Variants in KCNMA1 observed in about 807,000 individuals in gnomAD.
The protein encoded by KCNMA1 is Calcium-activated potassium channel subunit alpha-1.
KCNMA1 carries 29 observed loss-of-function variants against 140.0 expected under a neutral mutation model. The ratio of observed to expected loss-of-function variants is 0.21; its 90% CI spans 0.15 to 0.28. The LOEUF (loss-of-function observed/expected upper bound fraction) is 0.28, where lower values mean the gene tolerates loss of function less well. Ranked by LOEUF, KCNMA1 falls within the 10% of genes least tolerant of loss-of-function variation. The pLI is 1.00. For missense variants in KCNMA1, 880 were observed against 1,602.2 expected (o/e 0.55, Z 7.70); for synonymous variants, 612 against 611.9 (o/e 1.00, Z 0.00).
intron 1 of KCNMA1, among the ~76,000 whole-genome samples, chr10:77,615,132 G>A (rs966167546): frequency 2.0e-5 from 3 of 152,182 alleles, no homozygotes; most frequent in Admixed American, 1.3e-4. Context: ...GAGTAGCACA[G>A]GTTCCTAAAT....
chr10:77,611,516 C>A (rs1273912056), intron 1 of KCNMA1, among the ~76,000 whole-genome samples: 2 of 152,182 alleles, frequency 1.3e-5, no homozygotes, highest in Admixed American at 6.5e-5. Flanking sequence ...AATGTTAAGC[C>A]CATTGAAGTG....
At chr10:76,891,812 C>T in intron 25 of KCNMA1, 93 bp from the exon 26 acceptor site, 3 of 1,046,612 alleles carry the variant, frequency 2.9e-6, no homozygotes, top group East Asian at 4.8e-5. Context: ...TTCTTGGTAT[C>T]TCCTGTTTAA....
intron 1 of KCNMA1, among the ~76,000 whole-genome samples, chr10:77,602,115 C>T (rs2154566485): frequency 6.6e-6 from 1 of 152,320 alleles, no homozygotes; most frequent in African/African-American, 2.4e-5. Context: ...ACACAAAACT[C>T]ACCAATGCCT....
intron 23 of KCNMA1, among the ~76,000 whole-genome samples, chr10:76,915,512 G>A (rs544915785): frequency 3.3e-5 from 5 of 152,298 alleles, no homozygotes; most frequent in South Asian, 2.1e-4. Context: ...TTACTATGGA[G>A]ATGAAGGCTA....
At chr10:77,027,479 T>C (rs1364437530) in intron 16 of KCNMA1, among the ~76,000 whole-genome samples, 1 of 152,198 alleles carries the variant, frequency 6.6e-6, no homozygotes, top group Non-Finnish European at 1.5e-5. Context: ...CCTGCTTTTT[T>C]GCTCACAGCA....
chr10:76,972,529 G>A (rs1327767112), intron 19 of KCNMA1, among the ~76,000 whole-genome samples: 3 of 152,196 alleles, frequency 2.0e-5, no homozygotes, highest in Non-Finnish European at 4.4e-5. Flanking sequence ...TCAGATGGGA[G>A]AGTTGCAAGT....
intron 2 of KCNMA1, among the ~76,000 whole-genome samples, chr10:77,264,846 C>A (rs1260977414): frequency 1.3e-5 from 2 of 152,248 alleles, no homozygotes; most frequent in East Asian, 3.9e-4. Flanking sequence ...GAATAAATTT[C>A]TCTTAACCTC....
chr10:77,023,131 G>A (rs908230481), intron 16 of KCNMA1, among the ~76,000 whole-genome samples: 1 of 152,156 alleles, frequency 6.6e-6, no homozygotes, highest in African/African-American at 2.4e-5. Context: ...GGTATCTCTC[G>A]CTAAACACTG....
intron 2 of KCNMA1, among the ~76,000 whole-genome samples, chr10:77,345,059 T>C (rs2091880414): frequency 6.6e-6 from 1 of 152,254 alleles, no homozygotes; most frequent in African/African-American, 2.4e-5. Context: ...TATACAGATA[T>C]TGTAAAACAG....
chr10:77,245,173 A>G (rs888111457), intron 3 of KCNMA1, among the ~76,000 whole-genome samples: 6 of 152,216 alleles, frequency 3.9e-5, no homozygotes, highest in Non-Finnish European at 8.8e-5. Context: ...AAAAAAGGGC[A>G]TGAAGGCAGA....
intron 2 of KCNMA1, among the ~76,000 whole-genome samples, chr10:77,318,336 G>A (rs761382652): frequency 5.3e-5 from 8 of 152,158 alleles, no homozygotes; most frequent in South Asian, 2.1e-4. Context: ...GAGGTTAAAC[G>A]TGAGGCTCAA....
chr10:77,570,575 T>A (rs1232409542), intron 1 of KCNMA1, among the ~76,000 whole-genome samples: 2 of 59,316 alleles, frequency 3.4e-5, no homozygotes, highest in Non-Finnish European at 6.4e-5. Flanking sequence ...CATCACACTC[T>A]GGGGACTGTT....
intron 19 of KCNMA1, among the ~76,000 whole-genome samples, chr10:76,998,008 C>A (rs1160385671): frequency 6.6e-6 from 1 of 152,154 alleles, no homozygotes; most frequent in East Asian, 1.9e-4. Context: ...TGATTTTTGT[C>A]TTTCCTAAAC....
At chr10:77,626,969 C>T (rs2092608137) in intron 1 of KCNMA1, among the ~76,000 whole-genome samples, 1 of 152,190 alleles carries the variant, frequency 6.6e-6, no homozygotes, top group Non-Finnish European at 1.5e-5. Flanking sequence ...TGGTGTCAAC[C>T]TCTCCCTCTA....
At chr10:77,566,946 G>T (rs888030313) in intron 1 of KCNMA1, among the ~76,000 whole-genome samples, 2 of 152,020 alleles carry the variant, frequency 1.3e-5, no homozygotes, top group Admixed American at 1.3e-4. Flanking sequence ...AGGGAAGGAA[G>T]GAGGGAGAAA....
At chr10:77,270,265 T>C (rs922836000) in intron 2 of KCNMA1, among the ~76,000 whole-genome samples, 7 of 152,146 alleles carry the variant, frequency 4.6e-5, no homozygotes, top group Non-Finnish European at 7.4e-5. Context: ...AAATGGGGGT[T>C]GTGTTCATGT....
At chr10:76,883,593 A>G (rs1236187468), downstream of KCNMA1, among the ~76,000 whole-genome samples, 1 of 152,206 alleles carries the variant, frequency 6.6e-6, no homozygotes, top group Non-Finnish European at 1.5e-5. Context: ...TCAAAGCCCA[A>G]AGCAAGTTGG....
At chr10:77,148,467 A>T (rs1298791085) in intron 5 of KCNMA1, 1 of 152,196 alleles carries the variant, frequency 6.6e-6, no homozygotes, top group Non-Finnish European at 1.5e-5. Context: ...CTCAGGTATC[A>T]TGAGATTTAG....
chr10:77,148,243 C>G (rs2098348100), intron 5 of KCNMA1: 1 of 152,190 alleles, frequency 6.6e-6, no homozygotes, highest in Non-Finnish European at 1.5e-5. Context: ...AAAGCCAATT[C>G]AGAGATCAAA....
Sources: gnomAD v4.1 joint callset for allele counts (sites outside exome capture counted in the v4.1 genomes callset) on GRCh38, gnomAD v4.1.1 for gene constraint, MANE v1.5 for transcripts, NCBI Gene and HGNC (gene_info 2026-07-23, HGNC 2026-07-21) for gene names.